The following ANAPC10 variants were observed in gnomAD, a reference collection of about 807,000 sequenced individuals.
The protein encoded by ANAPC10 is anaphase-promoting complex subunit 10.
ANAPC10 carries 12 observed loss-of-function variants against 22.0 expected under a neutral mutation model. The ratio of observed to expected loss-of-function variants is 0.55; its 90% confidence interval spans 0.35 to 0.88. The LOEUF (loss-of-function observed/expected upper bound fraction) is 0.88, where lower values mean the gene tolerates loss of function less well. Ranked by LOEUF, ANAPC10 falls within the 40% of genes least tolerant of loss-of-function variation. The pLI, the probability that ANAPC10 is intolerant of heterozygous loss-of-function variation, is 0.01. For synonymous variants in ANAPC10, 65 were observed against 69.5 expected (o/e 0.94, Z 0.32); for missense variants, 188 against 220.9 (o/e 0.85, Z 0.94).
At chr4:145,096,506 T>C (rs1748548206) in intron 1 of ANAPC10, among the ~76,000 whole-genome samples, 1 of 152,204 alleles carries the variant, frequency 6.6e-6, no homozygotes, top group Non-Finnish European at 1.5e-5. Flanking sequence ...TTGGCTTCAG[T>C]ATCTCCTTTA....
chr4:145,063,684 C>T (rs1743241669), intron 4 of ANAPC10, among the ~76,000 whole-genome samples: 1 of 152,096 alleles, frequency 6.6e-6, no homozygotes, highest in Non-Finnish European at 1.5e-5. Flanking sequence ...ATTGAAAATA[C>T]CTCTGAAATA....
At chr4:145,001,210 AGGAG>A (rs1169280128) in intron 4 of ANAPC10, among the ~76,000 whole-genome samples, 65 of 115,124 alleles carry the variant, frequency 5.6e-4, no homozygotes, top group African/African-American at 1.7e-3. Flanking sequence ...GAAAGAAGGA[AGGAG>A]GGAGGGAGGG....
At chr4:145,075,093 T>C (rs1280020453) in intron 3 of ANAPC10, among the ~76,000 whole-genome samples, 3 of 152,114 alleles carry the variant, frequency 2.0e-5, no homozygotes, top group African/African-American at 4.8e-5. Context: ...GAAGCCGACA[T>C]GGAATACAAC....
chr4:145,065,269 AAC>A (rs1743513328), intron 3 of ANAPC10, among the ~76,000 whole-genome samples: 1 of 151,938 alleles, frequency 6.6e-6, no homozygotes, highest in Non-Finnish European at 1.5e-5. Flanking sequence ...GGAAAGAAGA[AAC>A]ACATAATAGA....
chr4:145,090,754 C>T (rs1579172056), intron 2 of ANAPC10, among the ~76,000 whole-genome samples: 2 of 152,178 alleles, frequency 1.3e-5, no homozygotes, highest in East Asian at 3.8e-4. Context: ...GTTCTTAGAA[C>T]AGCATCTATC....
intron 3 of ANAPC10, among the ~76,000 whole-genome samples, chr4:145,067,210 A>G (rs2126490052): frequency 6.6e-6 from 1 of 152,334 alleles, no homozygotes; most frequent in East Asian, 1.9e-4. Context: ...TTCAAATAGC[A>G]ATGCATGTCA....
intron 2 of ANAPC10, among the ~76,000 whole-genome samples, chr4:145,085,082 C>G (rs1476220723): frequency 6.6e-6 from 1 of 152,022 alleles, no homozygotes; most frequent in East Asian, 1.9e-4. Context: ...GTTTTACCAG[C>G]CTGTGCAACA....
chr4:145,060,973 G>C (rs560338273), intron 4 of ANAPC10, among the ~76,000 whole-genome samples: 1 of 152,124 alleles, frequency 6.6e-6, no homozygotes, highest in South Asian at 2.1e-4. Flanking sequence ...TTCATATCAC[G>C]AGCTGCAAAA....
chr4:145,067,697 G>A (rs896512911), intron 3 of ANAPC10, among the ~76,000 whole-genome samples: 2 of 152,126 alleles, frequency 1.3e-5, no homozygotes, highest in African/African-American at 4.8e-5. Flanking sequence ...CCACAGATAC[G>A]AGCATCTGCT....
At chr4:145,017,923 A>C (rs1413507599) in intron 4 of ANAPC10, among the ~76,000 whole-genome samples, 1 of 137,644 alleles carries the variant, frequency 7.3e-6, no homozygotes, top group African/African-American at 2.7e-5. Flanking sequence ...AAAAATGAGA[A>C]TACTTGGACA....
intron 4 of ANAPC10, chr4:145,064,297 C>T (rs1216576803): frequency 4.5e-6 from 1 of 219,920 alleles, no homozygotes; most frequent in South Asian, 1.7e-4. Context: ...ATATTAACAA[C>T]TGAAGAATCT....
chr4:145,000,684 A>C (rs1036124663), intron 4 of ANAPC10, among the ~76,000 whole-genome samples: 8 of 152,346 alleles, frequency 5.3e-5, no homozygotes, highest in East Asian at 1.9e-4. Flanking sequence ...TTGACCCAGC[A>C]TTCCCATTAC....
chr4:145,080,907 C>CAAAA (rs58188670), intron 3 of ANAPC10, among the ~76,000 whole-genome samples: 15 of 38,832 alleles, frequency 3.9e-4, no homozygotes, highest in African/African-American at 1.2e-3. Flanking sequence ...AACTCCATCT[C>CAAAA]AAAAAAAAAA....
intron 4 of ANAPC10, among the ~76,000 whole-genome samples, chr4:145,021,331 T>C (rs1285029561): frequency 2.6e-5 from 4 of 152,076 alleles, no homozygotes; most frequent in African/African-American, 4.8e-5. Context: ...AATAGGCACA[T>C]AGGACAATGT....
chr4:145,008,435 C>A (rs1320200424), intron 4 of ANAPC10, among the ~76,000 whole-genome samples: 2 of 152,140 alleles, frequency 1.3e-5, no homozygotes, highest in Non-Finnish European at 2.9e-5. Flanking sequence ...CAAAAATCAT[C>A]AATAAAATAC....
intron 4 of ANAPC10, among the ~76,000 whole-genome samples, chr4:145,022,333 C>T (rs867255073): frequency 5.9e-5 from 9 of 152,028 alleles, no homozygotes; most frequent in African/African-American, 1.9e-4. Context: ...ACTACTCAGC[C>T]ATAAAAAGGA....
upstream of ANAPC10, chr4:145,098,275 A>G (rs754408003): frequency 8.5e-5 from 13 of 152,322 alleles, no homozygotes; most frequent in African/African-American, 3.1e-4. Context: ...GCGCGCGCGC[A>G]CTACGTCCTA....
chr4:145,065,623 A>T (rs1743564420), intron 3 of ANAPC10, among the ~76,000 whole-genome samples: 1 of 152,074 alleles, frequency 6.6e-6, no homozygotes, highest in African/African-American at 2.4e-5. Context: ...TAGAAAATTA[A>T]AAACAGCCTA....
At chr4:145,036,774 G>GA (rs1738608020) in intron 4 of ANAPC10, among the ~76,000 whole-genome samples, 1 of 152,030 alleles carries the variant, frequency 6.6e-6, no homozygotes, top group East Asian at 1.9e-4. Context: ...AACAAAAAAA[G>GA]AAAGGCAGAA....
Sources: gnomAD v4.1 joint callset for allele counts (sites outside exome capture counted in the v4.1 genomes callset) on GRCh38, gnomAD v4.1.1 for gene constraint, MANE v1.5 for transcripts, NCBI Gene and HGNC (gene_info 2026-07-23, HGNC 2026-07-21) for gene names.